Variants in SRGAP3 observed in about 807,000 individuals in gnomAD.
SRGAP3 encodes SLIT-ROBO Rho GTPase-activating protein 3.
In SRGAP3, 39 loss-of-function variants were observed where a neutral mutation model predicts 121.1. The ratio of observed to expected loss-of-function variants is 0.32; its 90% CI spans 0.25 to 0.42. SRGAP3 has a LOEUF of 0.42. Among genes scored for constraint, SRGAP3 ranks in the 10% least tolerant of loss-of-function variants. The pLI is 1.00. For missense variants in SRGAP3, 1,213 were observed against 1,470.6 expected, an observed-to-expected ratio of 0.82 and a Z score of 2.86; for synonymous variants, 601 against 570.0, an observed-to-expected ratio of 1.05 and a Z score of -0.77.
chr3:9,277,607 CAAAAAAA>C (rs35955575), intron 3 of SRGAP3, among the ~76,000 whole-genome samples: 23 of 59,808 alleles, frequency 3.8e-4, no homozygotes, highest in South Asian at 2.0e-3. Flanking sequence ...GAAGCCATCT[CAAAAAAA>C]AAAAAAAAAA....
chr3:9,029,197 A>G (rs982564200), intron 12 of SRGAP3, among the ~76,000 whole-genome samples: 1 of 152,238 alleles, frequency 6.6e-6, no homozygotes, highest in South Asian at 2.1e-4. Context: ...TAGGTAATAC[A>G]TAGTGCTTAC....
chr3:9,256,282 C>T (rs1954131231), intron 3 of SRGAP3, among the ~76,000 whole-genome samples: 1 of 152,236 alleles, frequency 6.6e-6, no homozygotes, highest in Non-Finnish European at 1.5e-5. Context: ...CAGCAATTCA[C>T]AGCTGAGCCC....
At chr3:8,987,014 G>A (rs367631479) in intron 21 of SRGAP3, among the ~76,000 whole-genome samples, 3 of 152,198 alleles carry the variant, frequency 2.0e-5, no homozygotes, top group East Asian at 1.9e-4. Flanking sequence ...ACAGGGCCCC[G>A]GACTTTTGAG....
rs1466778672 is a variant in SRGAP3 at position 8,983,665 on chromosome 3, G to A, written c.*1854C>T. The A allele has an allele frequency of 1.3e-5, 3 of 231,622 alleles. No homozygotes were observed. The highest frequency in any genetic ancestry group is 5.6e-5 in the Admixed American group (1 of 17,726). 14.3% of individuals were successfully genotyped at this position (231,622 alleles called of 1,614,324 possible). ...GGAGGTTTCAAAAAGAAGGGCTGGA[G>A]GGCTCTGATCTAAGACTTACCTTAC... On this transcript the variant is annotated 3_prime_UTR_variant, in exon 22 of 22. Transcript: ENST00000383836.
At chr3:9,052,890 T>C in intron 9 of SRGAP3, 137 bp downstream of exon 9, 1 of 1,066,232 alleles carries the variant, frequency 9.4e-7, no homozygotes, top group Admixed American at 2.2e-5. Flanking sequence ...AACTTAATTT[T>C]AAAAGCATGG....
At chr3:9,027,403 C>G (rs1247144073) in intron 12 of SRGAP3, among the ~76,000 whole-genome samples, 2 of 152,272 alleles carry the variant, frequency 1.3e-5, no homozygotes, top group East Asian at 1.9e-4. Context: ...AAGTCCTCAT[C>G]CTATTACTGC....
intron 1 of SRGAP3, among the ~76,000 whole-genome samples, chr3:9,153,463 C>T (rs903131281): frequency 1.1e-4 from 16 of 152,300 alleles, no homozygotes; most frequent in Middle Eastern, 3.4e-3. Flanking sequence ...CTCAACATAT[C>T]CTTACCCACA....
At position 9,109,489 on chromosome 3, in the gene SRGAP3, G is replaced by A. The variant is rs1419710138; in HGVS notation, c.261-4647C>T. ...CAGCCAAAGACTCAAGTTGAAGTGAGCAGCTGCTGTGAAGATTCCTTCCAG... is the reference window on the plus strand; with the variant it reads ...CAGCCAAAGACTCAAGTTGAAGTGAACAGCTGCTGTGAAGATTCCTTCCAG... On this transcript the variant is annotated intron_variant, in intron 2 of 21. Coordinates refer to ENST00000383836, the MANE Select transcript of SRGAP3 (RefSeq NM_014850.4). The surrounding 1 kb of genome is among the most constrained non-coding windows in gnomAD (Gnocchi z 4.4). Among the ~76,000 whole-genome samples the A allele has an allele frequency of 6.6e-6, 1 of 152,198 alleles. No individual in the cohort carries two copies. Among genetic ancestry groups the A allele is most frequent in the Non-Finnish European group, 1.5e-5 (1 of 68,038 alleles).
At chr3:9,241,695 T>G (rs1953643979) in intron 1 of SRGAP3, among the ~76,000 whole-genome samples, 1 of 152,148 alleles carries the variant, frequency 6.6e-6, no homozygotes, top group African/African-American at 2.4e-5. Flanking sequence ...GTGATGGTAT[T>G]TGCAGGTGGA....
chr3:9,287,997 C>A (rs112204596), intron 3 of SRGAP3, among the ~76,000 whole-genome samples: 2 of 152,144 alleles, frequency 1.3e-5, no homozygotes, highest in East Asian at 1.9e-4. Flanking sequence ...TATCTTTCAC[C>A]AGTACTGAAA....
chr3:9,248,224 T>C (rs1953895307), intron 1 of SRGAP3, among the ~76,000 whole-genome samples: 1 of 152,066 alleles, frequency 6.6e-6, no homozygotes, highest in East Asian at 1.9e-4. Context: ...GGGCACAGAG[T>C]GATTGGGCTG....
At chr3:9,342,462 G>A (rs1955804702) in intron 1 of SRGAP3, among the ~76,000 whole-genome samples, 1 of 152,132 alleles carries the variant, frequency 6.6e-6, no homozygotes, top group South Asian at 2.1e-4. Context: ...GCTGCAAATA[G>A]CCTGCACCTT....
intron 3 of SRGAP3, among the ~76,000 whole-genome samples, chr3:9,289,104 G>A (rs1335532105): frequency 6.6e-6 from 1 of 151,656 alleles, no homozygotes; most frequent in Non-Finnish European, 1.5e-5. Flanking sequence ...TTACCACGTT[G>A]ATCATGGTAG....
At chr3:9,056,830 T>G (rs1945846008) in intron 7 of SRGAP3, among the ~76,000 whole-genome samples, 1 of 152,118 alleles carries the variant, frequency 6.6e-6, no homozygotes, top group South Asian at 2.1e-4. Context: ...CCCCAGCAAT[T>G]GACTGGGCCG....
intron 1 of SRGAP3, among the ~76,000 whole-genome samples, chr3:9,206,483 G>A (rs1490545269): frequency 1.3e-5 from 2 of 152,120 alleles, no homozygotes; most frequent in African/African-American, 4.8e-5. Context: ...AAATCCCCCT[G>A]ACTGTGCCAC....
intron 1 of SRGAP3, among the ~76,000 whole-genome samples, chr3:9,352,464 G>C (rs113412570): frequency 0.038 from 5,837 of 152,040 alleles, 398 homozygotes; most frequent in African/African-American, 0.13. Context: ...AGTAGAGATA[G>C]GGTTTCACCA....
intron 3 of SRGAP3, chr3:9,256,991 C>T (rs1390970662): frequency 1.3e-5 from 5 of 396,730 alleles, no homozygotes; most frequent in East Asian, 7.1e-5. Context: ...AAGTTGTTAG[C>T]TGGCACCCAG....
At chr3:9,341,833 G>C (rs1559284850) in intron 1 of SRGAP3, among the ~76,000 whole-genome samples, 1 of 152,124 alleles carries the variant, frequency 6.6e-6, no homozygotes, top group East Asian at 1.9e-4. Flanking sequence ...TAGGCTTTCT[G>C]GTAGACATGG....
chr3:9,092,401 AGTT>A lies in SRGAP3; in HGVS notation c.423+12276_423+12278del, dbSNP rs372202448. ...TACCATTGTGGATAATAACAATAAT[AGTT>A]ATTGTTTCTTGATGTCTTAGCACGT... On this transcript the variant is annotated intron_variant, in intron 3 of 21. Coordinates refer to ENST00000383836, the MANE Select transcript of SRGAP3 (RefSeq NM_014850.4). Among the ~76,000 whole-genome samples, 49 of 152,314 alleles carry A rather than the reference AGTT, an allele frequency of 3.2e-4. 1 individual carries two copies. The East Asian group carries it at 9.5e-3, about 29-fold the overall frequency.
Sources: gnomAD v4.1 joint callset for allele counts (sites outside exome capture counted in the v4.1 genomes callset) on GRCh38, gnomAD v4.1.1 for gene constraint, Gnocchi (gnomAD v3.1) non-coding constraint, MANE v1.5 for transcripts, NCBI Gene and HGNC (gene_info 2026-07-23, HGNC 2026-07-21) for gene names.